The following ARHGEF28 variants were observed in gnomAD, a reference collection of about 807,000 sequenced individuals.
ARHGEF28 encodes Rho guanine nucleotide exchange factor 28, also known as 190 kDa guanine nucleotide exchange factor.
A neutral mutation model predicts 206.6 loss-of-function variants in ARHGEF28; 152 were observed. The observed-to-expected ratio is 0.74, with a 90% confidence interval of 0.64 to 0.84. The LOEUF is 0.84. Among genes scored for constraint, ARHGEF28 ranks in the 40% least tolerant of loss-of-function variants. The pLI is 0.00. For synonymous variants in ARHGEF28, 763 were observed against 776.4 expected (o/e 0.98, Z 0.29); for missense variants, 2,028 against 2,073.2 (o/e 0.98, Z 0.42).
chr5:73,936,985 A>G (rs1475013348), intron 35 of ARHGEF28, among the ~76,000 whole-genome samples: 2 of 152,246 alleles, frequency 1.3e-5, no homozygotes, highest in Non-Finnish European at 2.9e-5. Flanking sequence ...TGGTGAGCCA[A>G]TGGAGGGAAG....
At chr5:73,897,623 T>C (rs906792742) in intron 29 of ARHGEF28, among the ~76,000 whole-genome samples, 3 of 152,266 alleles carry the variant, frequency 2.0e-5, no homozygotes, top group African/African-American at 4.8e-5. Flanking sequence ...TTTAATATAA[T>C]GGTTTATAGT....
At chr5:73,870,773 A>T (rs893965353) in intron 21 of ARHGEF28, among the ~76,000 whole-genome samples, 1 of 152,190 alleles carries the variant, frequency 6.6e-6, no homozygotes, top group African/African-American at 2.4e-5. Flanking sequence ...GCTATTTGGG[A>T]TGAAGGCATT....
chr5:73,797,118 G>C (rs1421261109), intron 9 of ARHGEF28, among the ~76,000 whole-genome samples: 2 of 152,136 alleles, frequency 1.3e-5, no homozygotes, highest in Non-Finnish European at 2.9e-5. Flanking sequence ...AGTCTGTGAA[G>C]GATTTGAGAA....
intron 2 of ARHGEF28, among the ~76,000 whole-genome samples, chr5:73,730,534 ATT>A (rs968990208): frequency 8.6e-4 from 101 of 117,386 alleles, no homozygotes; most frequent in Middle Eastern, 9.3e-3. Flanking sequence ...CATAAGGAGG[ATT>A]TTTTTTTTTT....
At chr5:73,845,104 G>A (rs1274908043) in intron 11 of ARHGEF28, among the ~76,000 whole-genome samples, 4 of 140,360 alleles carry the variant, frequency 2.8e-5, no homozygotes, top group Non-Finnish European at 6.0e-5. Context: ...TGCAAGCTCT[G>A]CCTCCTGGGT....
chr5:73,904,009 CA>C lies in ARHGEF28; in HGVS notation c.4075-212del, dbSNP rs1762412659. On this transcript the variant is annotated intron_variant, in intron 31 of 35. Coordinates refer to ENST00000513042, the MANE Select transcript of ARHGEF28 (RefSeq NM_001177693.2). Reference sequence around the variant, plus strand: ...GGTGAAAATTGCCATCCATCTCAAACATCGACTTTGCGTGAAGGACGCTCTT... The same window carrying C: ...GGTGAAAATTGCCATCCATCTCAAACTCGACTTTGCGTGAAGGACGCTCTT... The C allele has an allele frequency of 7.2e-6, 4 of 559,166 alleles. No homozygotes were observed. In the East Asian group the frequency reaches 1.2e-4, roughly 16 times the overall value. 34.6% of individuals were successfully genotyped at this position (559,166 alleles called of 1,614,324 possible). A position where few individuals can be genotyped will look rare whatever the true frequency, so the allele number is the denominator to read the frequency against.
chr5:73,742,388 T>C (rs1368391674), intron 2 of ARHGEF28, among the ~76,000 whole-genome samples: 2 of 152,140 alleles, frequency 1.3e-5, no homozygotes, highest in African/African-American at 4.8e-5. Flanking sequence ...TTATGTTTTT[T>C]GTTTCACCTG....
intron 18 of ARHGEF28, 28 bp from the exon 19 acceptor site, chr5:73,867,848 C>T (rs1429810798): frequency 6.2e-7 from 1 of 1,613,688 alleles, no homozygotes; most frequent in East Asian, 2.2e-5. Flanking sequence ...ACCTGGAAAC[C>T]ACATGAAGCA....
chr5:73,636,027 G>T (rs1056686831), intron 1 of ARHGEF28, among the ~76,000 whole-genome samples: 5 of 151,972 alleles, frequency 3.3e-5, no homozygotes, highest in Non-Finnish European at 5.9e-5. Flanking sequence ...TTGATATCTT[G>T]CTCACTGACA....
intron 5 of ARHGEF28, among the ~76,000 whole-genome samples, 171 bp downstream of exon 5, chr5:73,774,209 T>A (rs1302406202): frequency 6.6e-6 from 1 of 152,184 alleles, no homozygotes; most frequent in Non-Finnish European, 1.5e-5. Context: ...TTGGTATTAA[T>A]GTTTCATGAG....
At chr5:73,802,888 G>GTC (rs1755226094) in intron 9 of ARHGEF28, among the ~76,000 whole-genome samples, 1 of 150,376 alleles carries the variant, frequency 6.6e-6, no homozygotes, top group African/African-American at 2.4e-5. Context: ...GTGTGTGTGT[G>GTC]TGTGTGTGTG....
At chr5:73,804,194 C>A (rs1755303725) in intron 9 of ARHGEF28, among the ~76,000 whole-genome samples, 1 of 151,826 alleles carries the variant, frequency 6.6e-6, no homozygotes. Context: ...ATTTGTCTGC[C>A]AATGAAATTT....
Position 73,909,469 on chromosome 5 carries a change from C to G in ARHGEF28, c.4219C>G (p.Gln1407Glu). The change falls in exon 34 of 36, where the codon CAG becomes GAG. Residue 1407 changes from glutamine (Q) to glutamate (E), a missense_variant. Coordinates refer to ENST00000513042, the MANE Select transcript of ARHGEF28 (RefSeq NM_001177693.2). ...GATCCACAGGCTGGTTCTCCAGCAGCAGGAGGGCCTGTCTCTCGGCCACTC... is the reference window on the plus strand; with the variant it reads ...GATCCACAGGCTGGTTCTCCAGCAGGAGGAGGGCCTGTCTCTCGGCCACTC... ...IEIHRLVLQQQEGLSLGHSIL... is the reference protein window; with the variant it reads ...IEIHRLVLQQEEGLSLGHSIL... The G allele has an allele frequency of 6.2e-7, 1 of 1,612,962 alleles. No individual in the cohort carries two copies. The highest frequency in any genetic ancestry group is 8.5e-7 in the Non-Finnish European group (1 of 1,179,678).
Position 73,882,596 on chromosome 5 carries a change from C to A in ARHGEF28, c.2937+2C>A. On this transcript the variant is annotated splice_donor_variant, in intron 23 of 35. Coordinates refer to ENST00000513042, the MANE Select transcript of ARHGEF28 (RefSeq NM_001177693.2). LOFTEE classifies it high-confidence loss of function. ...AAAAAGTTTCAGAATTTTATTAAGG[C>A]AAGTATTTTAAAACTTTATTACAAA... 1 of 1,478,406 alleles carries A rather than the reference C, an allele frequency of 6.8e-7. No individual in the cohort carries two copies. Among genetic ancestry groups the A allele is most frequent in the South Asian group, 1.4e-5 (1 of 73,492 alleles). The allele number at this position is 1,478,406 out of a possible 1,614,324, so 91.6% of individuals were successfully genotyped here.
chr5:73,710,206 C>T (rs978645859), intron 2 of ARHGEF28, among the ~76,000 whole-genome samples: 3 of 152,210 alleles, frequency 2.0e-5, no homozygotes, highest in African/African-American at 7.2e-5. Flanking sequence ...CCCACATATT[C>T]ACCAGCATGT....
rs371028913 is a variant in ARHGEF28 at position 73,806,280 on chromosome 5, CATAG to C, written c.1024+10894_1024+10897del. 2.4e-3 allele frequency among the ~76,000 whole-genome samples: 289 copies of C among 122,652 alleles called. 17 individuals are homozygous for C. In the East Asian group the frequency reaches 0.039, roughly 17 times the overall value. The allele number at this position is 122,652 out of a possible 152,430, so 80.5% of individuals were successfully genotyped here. On this transcript the variant is annotated intron_variant, in intron 9 of 35. Coordinates refer to ENST00000513042, the MANE Select transcript of ARHGEF28 (RefSeq NM_001177693.2). ...TATATAGTATATATAGATATATATA[CATAG>C]ATAGTATATATAGTATAGTATATAT...
chr5:73,798,754 G>T (rs189617894), intron 9 of ARHGEF28, among the ~76,000 whole-genome samples: 1 of 152,132 alleles, frequency 6.6e-6, no homozygotes. Context: ...AGAAAAAAAG[G>T]GTCTACTTGG....
chr5:73,676,045 A>G (rs1205410260), intron 1 of ARHGEF28, among the ~76,000 whole-genome samples: 1 of 148,870 alleles, frequency 6.7e-6, no homozygotes, highest in Non-Finnish European at 1.5e-5. Flanking sequence ...CATACAATCT[A>G]CCAGTCACAT....
intron 1 of ARHGEF28, among the ~76,000 whole-genome samples, chr5:73,632,142 A>G (rs1743407956): frequency 6.6e-6 from 1 of 152,192 alleles, no homozygotes; most frequent in Non-Finnish European, 1.5e-5. Context: ...TTGCAGCACC[A>G]CTGCAAGTAC....
Sources: gnomAD v4.1 joint callset for allele counts (sites outside exome capture counted in the v4.1 genomes callset) on GRCh38, gnomAD v4.1.1 for gene constraint, MANE v1.5 for transcripts, NCBI Gene and HGNC (gene_info 2026-07-23, HGNC 2026-07-21) for gene names.